The following HOMER1 variants were observed in gnomAD, a reference collection of about 807,000 sequenced individuals.
The protein encoded by HOMER1 is homer scaffold protein 1.
In HOMER1, 3 loss-of-function variants were observed where a neutral mutation model predicts 48.9. The ratio of observed to expected loss-of-function variants is 0.06; its 90% CI spans 0.03 to 0.16. The LOEUF is 0.16. Ranked by LOEUF, HOMER1 falls within the 10% of genes least tolerant of loss-of-function variation. HOMER1 has a pLI of 1.00. For synonymous variants in HOMER1, 134 were observed against 146.4 expected, an observed-to-expected ratio of 0.92 and a Z score of 0.61; for missense variants, 247 against 411.4, an observed-to-expected ratio of 0.60 and a Z score of 3.46.
At chr5:79,379,696 C>T (rs1263266019) in intron 8 of HOMER1, among the ~76,000 whole-genome samples, 5 of 151,338 alleles carry the variant, frequency 3.3e-5, no homozygotes, top group Non-Finnish European at 4.4e-5. Context: ...CGTCCTGCCG[C>T]GGCCTCCCAA....
At chr5:79,408,557 AT>A (rs1471790771) in intron 5 of HOMER1, among the ~76,000 whole-genome samples, 1 of 152,220 alleles carries the variant, frequency 6.6e-6, no homozygotes, top group Non-Finnish European at 1.5e-5. Flanking sequence ...AAACAATTGG[AT>A]AACCACATAC....
At chr5:79,408,641 T>A (rs958397626) in intron 5 of HOMER1, among the ~76,000 whole-genome samples, 1 of 152,134 alleles carries the variant, frequency 6.6e-6, no homozygotes, top group East Asian at 1.9e-4. Context: ...CTATAAGATA[T>A]AAAACTATAA....
At chr5:79,450,611 T>C (rs530582386) in intron 3 of HOMER1, among the ~76,000 whole-genome samples, 1 of 152,374 alleles carries the variant, frequency 6.6e-6, no homozygotes, top group East Asian at 1.9e-4. Context: ...TGCTGAAATC[T>C]ATATCACTGT....
At chr5:79,469,580 C>T (rs1751564738) in intron 1 of HOMER1, among the ~76,000 whole-genome samples, 1 of 152,062 alleles carries the variant, frequency 6.6e-6, no homozygotes, top group Non-Finnish European at 1.5e-5. Context: ...TCTCAATTTC[C>T]CAAGATTATC....
rs1185522285 is a variant in HOMER1 at position 79,385,268 on chromosome 5, T to C, written c.877-9071A>G. Among the ~76,000 whole-genome samples the C allele has an allele frequency of 5.9e-5, 9 of 152,194 alleles. No individual in the cohort carries two copies. The South Asian group carries it at 8.3e-4, about 14-fold the overall frequency. ...ACAAAAATAGACAAATGGGACTATA[T>C]TAAACTAAAAAGCTTCTGCACAGCA... On this transcript the variant is annotated intron_variant, in intron 8 of 8. Transcript: ENST00000334082.
At chr5:79,448,850 A>G (rs1056868641) in intron 3 of HOMER1, among the ~76,000 whole-genome samples, 3 of 152,108 alleles carry the variant, frequency 2.0e-5, no homozygotes, top group Non-Finnish European at 4.4e-5. Context: ...CTGTGAGTAT[A>G]TAAGCTAGAA....
Position 79,397,780 on chromosome 5 carries a change from TAG to T in HOMER1, c.685-145_685-144del, listed in dbSNP as rs1246817899. 7 of 466,762 alleles carry T rather than the reference TAG, an allele frequency of 1.5e-5. No homozygotes were observed. In the South Asian group the frequency reaches 1.9e-4, roughly 13 times the overall value. The allele number at this position is 466,762 out of a possible 1,614,324, so 28.9% of individuals were successfully genotyped here. Reference sequence around the variant, plus strand: ...TTGAGAAATATTAAGACACTCAAGGTAGAGTGAATAGATTCTTCAAAGATATA... The same window carrying T: ...TTGAGAAATATTAAGACACTCAAGGTAGTGAATAGATTCTTCAAAGATATA... On this transcript the variant is annotated intron_variant, in intron 6 of 8. Coordinates refer to ENST00000334082, the MANE Select transcript of HOMER1 (RefSeq NM_004272.5).
chr5:79,402,691 A>T (rs989775246), intron 5 of HOMER1, among the ~76,000 whole-genome samples: 1 of 152,190 alleles, frequency 6.6e-6, no homozygotes, highest in African/African-American at 2.4e-5. Context: ...CCTGAAAAAC[A>T]TCTATTAAAA....
At chr5:79,414,785 T>C (rs1749901096) in intron 5 of HOMER1, among the ~76,000 whole-genome samples, 1 of 152,110 alleles carries the variant, frequency 6.6e-6, no homozygotes, top group South Asian at 2.1e-4. Context: ...GGTTTTACCT[T>C]CCATCTCAGA....
chr5:79,489,589 A>G (rs894766511), intron 1 of HOMER1, among the ~76,000 whole-genome samples: 7 of 152,262 alleles, frequency 4.6e-5, no homozygotes, highest in Middle Eastern at 3.4e-3. Flanking sequence ...AAATAAATCA[A>G]TAACACAGGC....
chr5:79,431,529 C>T (rs1207960854), intron 5 of HOMER1, among the ~76,000 whole-genome samples: 4 of 151,792 alleles, frequency 2.6e-5, no homozygotes, highest in South Asian at 2.1e-4. Flanking sequence ...TGGGGAGTAA[C>T]GAAAATGTTC....
intron 1 of HOMER1, among the ~76,000 whole-genome samples, chr5:79,457,258 T>C (rs901908151): frequency 6.6e-6 from 1 of 152,162 alleles, no homozygotes; most frequent in Non-Finnish European, 1.5e-5. Context: ...CTCACTAAAA[T>C]TTATCTGTAA....
intron 1 of HOMER1, among the ~76,000 whole-genome samples, chr5:79,501,544 CT>C (rs1466983272): frequency 6.6e-6 from 1 of 152,106 alleles, no homozygotes; most frequent in African/African-American, 2.4e-5. Flanking sequence ...TAAAATGCAG[CT>C]TTTTTCAGTA....
chr5:79,425,818 G>A (rs1167306355), intron 5 of HOMER1, among the ~76,000 whole-genome samples: 1 of 151,824 alleles, frequency 6.6e-6, no homozygotes, highest in Non-Finnish European at 1.5e-5. Context: ...GAGACCTTAG[G>A]TGGTCTCTTT....
At chr5:79,459,779 C>T (rs1027908107) in intron 1 of HOMER1, among the ~76,000 whole-genome samples, 1 of 152,138 alleles carries the variant, frequency 6.6e-6, no homozygotes, top group Non-Finnish European at 1.5e-5. Flanking sequence ...AAATAAGTAA[C>T]TGACAGCTAT....
At chr5:79,417,868 C>T (rs950171799) in intron 5 of HOMER1, among the ~76,000 whole-genome samples, 1 of 152,050 alleles carries the variant, frequency 6.6e-6, no homozygotes, top group African/African-American at 2.4e-5. Flanking sequence ...TTGGTACTGG[C>T]AGAATTGAAA....
intron 1 of HOMER1, among the ~76,000 whole-genome samples, chr5:79,490,469 ATTAC>A (rs1245156993): frequency 1.3e-5 from 2 of 152,212 alleles, no homozygotes; most frequent in African/African-American, 2.4e-5. Context: ...TAAAAACAAT[ATTAC>A]TTAAGTGTAT....
chr5:79,379,412 ATATATTT>A (rs1342859470), intron 8 of HOMER1, among the ~76,000 whole-genome samples: 12 of 117,582 alleles, frequency 1.0e-4, no homozygotes, highest in Non-Finnish European at 1.3e-4. Flanking sequence ...TTATATATTT[ATATATTT>A]TATATATTAT....
In HOMER1 at chr5:79,466,099, T is replaced by C. The variant is rs1031320672; in HGVS notation, c.6-9081A>G. Reference sequence around the variant, plus strand: ...TCTTCAATGTTCAAAGAAACTTGCTTGGTATGTATTAAATAACTGCCAAGT... The same window carrying C: ...TCTTCAATGTTCAAAGAAACTTGCTCGGTATGTATTAAATAACTGCCAAGT... On this transcript the variant is annotated intron_variant, in intron 1 of 8. Transcript: ENST00000334082. Among the ~76,000 whole-genome samples the C allele has an allele frequency of 3.3e-5, 5 of 152,236 alleles. No homozygotes were observed. In the East Asian group the frequency reaches 7.7e-4, roughly 23 times the overall value.
Sources: gnomAD v4.1 joint callset for allele counts (sites outside exome capture counted in the v4.1 genomes callset) on GRCh38, gnomAD v4.1.1 for gene constraint, MANE v1.5 for transcripts, NCBI Gene and HGNC (gene_info 2026-07-23, HGNC 2026-07-21) for gene names.